The following EIF2B3 variants were observed in gnomAD, a reference collection of about 807,000 sequenced individuals.
EIF2B3 encodes eukaryotic translation initiation factor 2B subunit gamma, also known as translation initiation factor eIF2B subunit gamma.
A neutral mutation model predicts 54.1 loss-of-function variants in EIF2B3; 20 were observed. That is an observed-to-expected ratio of 0.37 (90% CI 0.26 to 0.54). EIF2B3 has a LOEUF of 0.54. Ranked by LOEUF, EIF2B3 falls within the 20% of genes least tolerant of loss-of-function variation. The pLI, the probability that EIF2B3 is intolerant of heterozygous loss-of-function variation, is 0.86. For missense variants in EIF2B3, 448 were observed against 547.8 expected, an observed-to-expected ratio of 0.82 and a Z score of 1.82; for synonymous variants, 153 against 188.1, an observed-to-expected ratio of 0.81 and a Z score of 1.52.
At chr1:44,891,568 CT>C (rs1655798680) in intron 6 of EIF2B3, among the ~76,000 whole-genome samples, 2 of 152,112 alleles carry the variant, frequency 1.3e-5, no homozygotes, top group Non-Finnish European at 2.9e-5. Context: ...ATAGTGATTA[CT>C]TTTGTGTATG....
At chr1:44,924,229 C>T (rs910807316) in intron 5 of EIF2B3, among the ~76,000 whole-genome samples, 3 of 152,034 alleles carry the variant, frequency 2.0e-5, no homozygotes, top group African/African-American at 4.8e-5. Context: ...CGTGAGCCAC[C>T]GCGCCCAGCC....
At chr1:44,901,682 C>A (rs1338073298) in intron 5 of EIF2B3, among the ~76,000 whole-genome samples, 1 of 151,592 alleles carries the variant, frequency 6.6e-6, no homozygotes, top group Non-Finnish European at 1.5e-5. Context: ...TCCTCAGCCT[C>A]CTGAGTAGCT....
chr1:44,853,948 TGACTGTAAGAAGA>T (rs2148891292), intron 11 of EIF2B3, among the ~76,000 whole-genome samples: 1 of 151,806 alleles, frequency 6.6e-6, no homozygotes, highest in Admixed American at 6.6e-5. Context: ...GTTCTGTCAC[TGACTGTAAGAAGA>T]GACTCAGATG....
intron 3 of EIF2B3, among the ~76,000 whole-genome samples, chr1:44,948,674 CT>C (rs1261318406): frequency 6.6e-6 from 1 of 152,012 alleles, no homozygotes; most frequent in Non-Finnish European, 1.5e-5. Flanking sequence ...TCCTCTGGTA[CT>C]TAATTCTGTA....
chr1:44,858,544 A>G (rs1289820666), intron 10 of EIF2B3, among the ~76,000 whole-genome samples: 1 of 151,998 alleles, frequency 6.6e-6, no homozygotes, highest in Non-Finnish European at 1.5e-5. Flanking sequence ...ATCTTGGCTC[A>G]CTACAGCCTC....
rs418302 is a variant in EIF2B3, at chr1:44,919,785, C to T, written c.566+6843G>A. ...AGGCTGCAGTGCAGTGGTGCAATCT[C>T]GGCTCACCGCAATCTCCACCTCCCG... On this transcript the variant is annotated intron_variant, in intron 5 of 11. Coordinates refer to ENST00000360403, the MANE Select transcript of EIF2B3 (RefSeq NM_020365.5). Among the ~76,000 whole-genome samples, 980 of 144,704 alleles carry T rather than the reference C, an allele frequency of 6.8e-3. 12 individuals carry two copies. The highest frequency in any genetic ancestry group is 0.024 in the African/African-American group (930 of 38,192). 94.9% of individuals were successfully genotyped at this position (144,704 alleles called of 152,430 possible). A position where few individuals can be genotyped will look rare whatever the true frequency, so the allele number is the denominator to read the frequency against.
In EIF2B3 at chr1:44,881,463, A is replaced by G. The variant is rs1569604542; in HGVS notation, c.784+149T>C. The G allele has an allele frequency of 9.4e-7, 1 of 1,059,878 alleles. No homozygotes were observed. The highest frequency in any genetic ancestry group is 1.4e-6 in the Non-Finnish European group (1 of 699,538). The allele number at this position is 1,059,878 out of a possible 1,614,324, so 65.7% of individuals were successfully genotyped here. A position where few individuals can be genotyped will look rare whatever the true frequency, so the allele number is the denominator to read the frequency against. Reference sequence around the variant, plus strand: ...GCCTGAGCAAGCTTACCCAGAGCTCAGTGGGTTGGCAAGCCTGTCTTGCCT... The same window carrying G: ...GCCTGAGCAAGCTTACCCAGAGCTCGGTGGGTTGGCAAGCCTGTCTTGCCT... On this transcript the variant is annotated intron_variant, in intron 7 of 11. Transcript: ENST00000360403. The surrounding 1 kb of genome is among the most constrained non-coding windows in gnomAD (Gnocchi z 4.0).
intron 8 of EIF2B3, among the ~76,000 whole-genome samples, chr1:44,878,228 C>G (rs1276082736): frequency 6.6e-6 from 1 of 152,122 alleles, no homozygotes; most frequent in African/African-American, 2.4e-5. Context: ...CCTACAGATT[C>G]CTGAGCCAGG....
In EIF2B3 at chr1:44,981,007, T is replaced by C; in HGVS notation, c.148+14A>G. On this transcript the variant is annotated intron_variant, in intron 2 of 11. Coordinates refer to ENST00000360403, the MANE Select transcript of EIF2B3 (RefSeq NM_020365.5). The stretch of plus-strand genomic sequence containing the variant: ...AAGTTTTATGAGTTCACAGCTCACT[T>C]TGTCATAGCTCACCTTCAAATCCAA... The C allele has an allele frequency of 6.2e-7, 1 of 1,613,802 alleles. No homozygotes were observed. The highest frequency in any genetic ancestry group is 8.5e-7 in the Non-Finnish European group (1 of 1,179,980).
intron 11 of EIF2B3, among the ~76,000 whole-genome samples, chr1:44,856,082 A>C (rs1654422792): frequency 6.6e-6 from 1 of 152,192 alleles, no homozygotes; most frequent in Non-Finnish European, 1.5e-5. Flanking sequence ...AAAAGCATGG[A>C]GAGGTATAAT....
intron 1 of EIF2B3, among the ~76,000 whole-genome samples, chr1:44,983,252 A>G (rs1176090568): frequency 1.3e-5 from 2 of 152,230 alleles, no homozygotes; most frequent in African/African-American, 4.8e-5. Flanking sequence ...TTTCTCTTAC[A>G]ATGATGTAAT....
At chr1:44,953,097 T>C (rs541511708) in intron 3 of EIF2B3, among the ~76,000 whole-genome samples, 5 of 146,610 alleles carry the variant, frequency 3.4e-5, no homozygotes, top group Non-Finnish European at 7.4e-5. Flanking sequence ...CCCGTCAGTA[T>C]AGAACATACA....
chr1:44,878,068 T>G (rs1655256932), intron 8 of EIF2B3, among the ~76,000 whole-genome samples: 1 of 152,174 alleles, frequency 6.6e-6, no homozygotes, highest in South Asian at 2.1e-4. Flanking sequence ...AGGTTATCCA[T>G]GAACATCTTT....
At chr1:44,915,467 T>A (rs1265670736) in intron 5 of EIF2B3, among the ~76,000 whole-genome samples, 4 of 151,794 alleles carry the variant, frequency 2.6e-5, no homozygotes, top group Admixed American at 6.6e-5. Context: ...GCTCAAGCAA[T>A]CCTCCTGTCT....
chr1:44,953,199 G>A (rs1352483934), intron 3 of EIF2B3, among the ~76,000 whole-genome samples: 1 of 147,204 alleles, frequency 6.8e-6, no homozygotes, highest in Non-Finnish European at 1.5e-5. Context: ...TTTATAAGCT[G>A]GGCAAGGAAG....
At chr1:44,864,545 C>G (rs1448636000) in intron 10 of EIF2B3, among the ~76,000 whole-genome samples, 2 of 152,040 alleles carry the variant, frequency 1.3e-5, no homozygotes, top group Non-Finnish European at 2.9e-5. Context: ...CTGGGTGACA[C>G]AGCGAGACTC....
intron 1 of EIF2B3, among the ~76,000 whole-genome samples, chr1:44,984,442 G>T (rs1002868119): frequency 2.0e-5 from 3 of 151,924 alleles, no homozygotes; most frequent in Non-Finnish European, 4.4e-5. Flanking sequence ...CTGCACTCCA[G>T]CCTGGGCAAC....
intron 10 of EIF2B3, among the ~76,000 whole-genome samples, chr1:44,869,593 C>CTT (rs60006087): frequency 0.02 from 1,450 of 71,254 alleles, 4 homozygotes; most frequent in Non-Finnish European, 0.026. Flanking sequence ...GAGGTAAGGC[C>CTT]TTTTTTTTTT....
chr1:44,889,911 G>A (rs754572221), intron 6 of EIF2B3, among the ~76,000 whole-genome samples: 1 of 152,228 alleles, frequency 6.6e-6, no homozygotes, highest in African/African-American at 2.4e-5. Context: ...CACAGACCCT[G>A]TTCTGGGAAA....
Sources: allele counts gnomAD v4.1 joint callset (sites outside exome capture counted in the v4.1 genomes callset), GRCh38; gene constraint gnomAD v4.1.1; non-coding constraint Gnocchi (gnomAD v3.1); transcripts MANE v1.5; gene names NCBI Gene and HGNC (gene_info 2026-07-23, HGNC 2026-07-21).